The following PTPN12 variants were observed in gnomAD, a reference collection of about 807,000 sequenced individuals.
The protein encoded by PTPN12 is tyrosine-protein phosphatase non-receptor type 12.
A neutral mutation model predicts 97.6 loss-of-function variants in PTPN12; 29 were observed. That is an observed-to-expected ratio of 0.30 (90% CI 0.22 to 0.41). PTPN12 has a LOEUF of 0.41. Among genes scored for constraint, PTPN12 ranks in the 10% least tolerant of loss-of-function variants. The pLI is 1.00. For missense variants in PTPN12, 819 were observed against 926.0 expected, an observed-to-expected ratio of 0.88 and a Z score of 1.50; for synonymous variants, 327 against 300.4, an observed-to-expected ratio of 1.09 and a Z score of -0.91.
At chr7:77,600,099 G>C (rs1237024020) in intron 7 of PTPN12, among the ~76,000 whole-genome samples, 2 of 152,176 alleles carry the variant, frequency 1.3e-5, no homozygotes, top group South Asian at 4.1e-4. Context: ...GGGTTGAGGG[G>C]AGGGGGTACC....
intron 2 of PTPN12, 69 bp from the exon 3 acceptor site, chr7:77,581,358 C>T: frequency 9.9e-7 from 1 of 1,014,212 alleles, no homozygotes; most frequent in Non-Finnish European, 1.5e-6. Flanking sequence ...TCTATTTAAC[C>T]TTACTTACGC....
intron 11 of PTPN12, 104 bp from the exon 12 acceptor site, chr7:77,618,376 G>T: frequency 1.4e-6 from 1 of 706,142 alleles, no homozygotes; most frequent in Non-Finnish European, 2.3e-6. Flanking sequence ...TGGCAAAATT[G>T]GCATTGTTTA....
chr7:77,583,757 G>T, intron 4 of PTPN12, 107 bp downstream of exon 4: 1 of 674,540 alleles, frequency 1.5e-6, no homozygotes, highest in South Asian at 2.7e-5. Flanking sequence ...CCATAATTAT[G>T]TTTACTTATT....
At chr7:77,565,958 C>T (rs1287659415) in intron 1 of PTPN12, among the ~76,000 whole-genome samples, 12 of 151,932 alleles carry the variant, frequency 7.9e-5, no homozygotes, top group African/African-American at 1.7e-4. Flanking sequence ...GATTAGTGGA[C>T]GAGACAGACA....
At chr7:77,579,949 T>C (rs140383757) in intron 2 of PTPN12, among the ~76,000 whole-genome samples, 8 of 152,352 alleles carry the variant, frequency 5.3e-5, no homozygotes, top group African/African-American at 1.9e-4. Flanking sequence ...GTCACCCTTA[T>C]TACATAACCC....
At chr7:77,549,420 A>G (rs1193332952) in intron 1 of PTPN12, among the ~76,000 whole-genome samples, 1 of 152,214 alleles carries the variant, frequency 6.6e-6, no homozygotes, top group African/African-American at 2.4e-5. Context: ...GACATTAAAC[A>G]TCAGGCAAAA....
chr7:77,637,157 A>C, intron 16 of PTPN12, 109 bp downstream of exon 16: 1 of 871,464 alleles, frequency 1.1e-6, no homozygotes, highest in Non-Finnish European at 1.8e-6. Flanking sequence ...TGTATGTGAA[A>C]ATGTCTAGGA....
chr7:77,586,174 G>A (rs764707523), intron 5 of PTPN12, among the ~76,000 whole-genome samples: 7 of 152,100 alleles, frequency 4.6e-5, no homozygotes, highest in African/African-American at 1.4e-4. Flanking sequence ...GGCTGGTTTC[G>A]AACTCCTGAC....
intron 1 of PTPN12, among the ~76,000 whole-genome samples, chr7:77,548,299 G>T (rs995547105): frequency 2.0e-5 from 3 of 152,182 alleles, no homozygotes; most frequent in Admixed American, 6.5e-5. Flanking sequence ...AGCGAATTGA[G>T]TTTTCCATAA....
intron 12 of PTPN12, among the ~76,000 whole-genome samples, chr7:77,623,278 C>T (rs547887370): frequency 6.6e-6 from 1 of 151,894 alleles, no homozygotes; most frequent in East Asian, 1.9e-4. Flanking sequence ...ATTAACAAAC[C>T]CATATATCAT....
rs1300850447 is a variant in PTPN12 at position 77,573,089 on chromosome 7, AAAAAAAACAAAAAAAC to A, written c.208+1911_208+1926del. The stretch of plus-strand genomic sequence containing the variant: ...CAGAGTAAGACTCTATCTCAAAAAA[AAAAAAAACAAAAAAAC>A]AAAAAAAACCAGTGTACCTAGCACA... On this transcript the variant is annotated intron_variant, in intron 2 of 17. Coordinates refer to ENST00000248594, the MANE Select transcript of PTPN12 (RefSeq NM_002835.4). 1.0e-4 allele frequency among the ~76,000 whole-genome samples: 12 copies of A among 117,472 alleles called. 1 individual carries two copies. Among genetic ancestry groups the A allele is most frequent in the African/African-American group, 2.8e-4 (8 of 28,340 alleles). 77.1% of individuals were successfully genotyped at this position (117,472 alleles called of 152,430 possible).
intron 1 of PTPN12, among the ~76,000 whole-genome samples, chr7:77,552,448 T>C (rs1330570867): frequency 3.9e-5 from 6 of 152,234 alleles, no homozygotes; most frequent in Non-Finnish European, 1.5e-5. Context: ...TTTTCAAATA[T>C]GTTCTAAAAT....
At chr7:77,604,907 G>T in intron 8 of PTPN12, 1 of 426,552 alleles carries the variant, frequency 2.3e-6, no homozygotes, top group Non-Finnish European at 4.8e-6. Context: ...CTTACTGAAC[G>T]GTCTGATCTC....
chr7:77,610,149 C>T (rs117802363), intron 9 of PTPN12, among the ~76,000 whole-genome samples: 1,909 of 152,278 alleles, frequency 0.013, 19 homozygotes, highest in Non-Finnish European at 0.02. Context: ...TCCATATACA[C>T]AAAAGAATTG....
chr7:77,639,571 G>A lies in PTPN12; in HGVS notation c.*291G>A. 3.3e-6 allele frequency: 1 copy of A among 302,084 alleles called. No homozygotes were observed. Among genetic ancestry groups the A allele is most frequent in the Middle Eastern group, 9.4e-4 (1 of 1,062 alleles). The allele number at this position is 302,084 out of a possible 1,614,324, so 18.7% of individuals were successfully genotyped here. A position where few individuals can be genotyped will look rare whatever the true frequency, so the allele number is the denominator to read the frequency against. On this transcript the variant is annotated 3_prime_UTR_variant, in exon 18 of 18. Transcript: ENST00000248594. ...ACCTTTATGATATATTGAGTTTAAGGACTACTCTTTTTCTGTTTTATCATG... is the reference window on the plus strand; with the variant it reads ...ACCTTTATGATATATTGAGTTTAAGAACTACTCTTTTTCTGTTTTATCATG...
chr7:77,608,410 AAT>A (rs149547256), intron 9 of PTPN12, among the ~76,000 whole-genome samples: 1 of 152,298 alleles, frequency 6.6e-6, no homozygotes, highest in African/African-American at 2.4e-5. Context: ...TTTTCCAAGA[AAT>A]AGTGTTTGAT....
At chr7:77,614,490 C>T (rs996792513) in intron 11 of PTPN12, among the ~76,000 whole-genome samples, 1 of 152,082 alleles carries the variant, frequency 6.6e-6, no homozygotes, top group Non-Finnish European at 1.5e-5. Context: ...AACCTACTTT[C>T]GTACCTCATT....
intron 5 of PTPN12, among the ~76,000 whole-genome samples, chr7:77,587,318 C>G (rs766098666): frequency 1.3e-5 from 2 of 152,144 alleles, no homozygotes; most frequent in South Asian, 4.1e-4. Flanking sequence ...ATATTAATCT[C>G]CTTGTACATG....
In PTPN12 at chr7:77,549,899, A is replaced by C. The variant is rs926312344; in HGVS notation, c.99+12254A>C. ...CTGGCCCTAAGGATCACTTTTATCA[A>C]AGTAGTCACTATGATTTACTCCCTG... On this transcript the variant is annotated intron_variant, in intron 1 of 17. Coordinates refer to ENST00000248594, the MANE Select transcript of PTPN12 (RefSeq NM_002835.4). Among the ~76,000 whole-genome samples, 9 of 152,140 alleles carry C rather than the reference A, an allele frequency of 5.9e-5. 1 individual carries two copies. Among genetic ancestry groups the C allele is most frequent in the Admixed American group, 5.9e-4 (9 of 15,280 alleles).
Sources: allele counts gnomAD v4.1 joint callset (sites outside exome capture counted in the v4.1 genomes callset), GRCh38; gene constraint gnomAD v4.1.1; transcripts MANE v1.5; gene names NCBI Gene and HGNC (gene_info 2026-07-23, HGNC 2026-07-21).